AMPH: variants seen among roughly 807,000 people sequenced by gnomAD.
The protein encoded by AMPH is amphiphysin (Stiff-Mann syndrome with breast cancer 128kD autoantigen).
In AMPH, 49 loss-of-function variants were observed where a neutral mutation model predicts 99.1. That is an observed-to-expected ratio of 0.49 (90% CI 0.39 to 0.63). AMPH has a LOEUF of 0.63. Among genes scored for constraint, AMPH ranks in the 20% least tolerant of loss-of-function variants. The pLI, the probability that AMPH is intolerant of heterozygous loss-of-function variation, is 0.00. For missense variants in AMPH, 759 were observed against 863.4 expected (o/e 0.88, Z 1.52); for synonymous variants, 314 against 317.3 (o/e 0.99, Z 0.11).
chr7:38,423,592 T>C (rs930417465), intron 15 of AMPH, among the ~76,000 whole-genome samples: 1 of 152,004 alleles, frequency 6.6e-6, no homozygotes, highest in Non-Finnish European at 1.5e-5. Flanking sequence ...AGAAGAAAGA[T>C]AGAAACAACA....
At chr7:38,490,696 T>C (rs1194008119) in intron 5 of AMPH, among the ~76,000 whole-genome samples, 1 of 152,186 alleles carries the variant, frequency 6.6e-6, no homozygotes, top group African/African-American at 2.4e-5. Context: ...TTGTGACCAC[T>C]GGTTATTCTA....
intron 11 of AMPH, among the ~76,000 whole-genome samples, chr7:38,454,505 TG>T (rs1166744944): frequency 1.3e-5 from 2 of 151,842 alleles, no homozygotes; most frequent in African/African-American, 4.8e-5. Flanking sequence ...GAGGCAGCTC[TG>T]GAAGTCATGA....
At chr7:38,523,054 G>C (rs1790031749) in intron 2 of AMPH, among the ~76,000 whole-genome samples, 1 of 151,442 alleles carries the variant, frequency 6.6e-6, no homozygotes, top group Non-Finnish European at 1.5e-5. Flanking sequence ...GTTGCAGTGA[G>C]TGGCGATCGC....
At chr7:38,539,615 C>T (rs1204767037) in intron 1 of AMPH, among the ~76,000 whole-genome samples, 2 of 152,210 alleles carry the variant, frequency 1.3e-5, no homozygotes, top group Non-Finnish European at 2.9e-5. Context: ...AATGCACACA[C>T]AGCAGATCCA....
chr7:38,630,581 T>C (rs1794418994), intron 1 of AMPH, among the ~76,000 whole-genome samples: 1 of 152,214 alleles, frequency 6.6e-6, no homozygotes, highest in Non-Finnish European at 1.5e-5. Flanking sequence ...ACTATTAGGT[T>C]CAGGTCATAT....
At chr7:38,502,411 C>T (rs1327415741) in intron 3 of AMPH, among the ~76,000 whole-genome samples, 2 of 152,228 alleles carry the variant, frequency 1.3e-5, no homozygotes, top group East Asian at 3.9e-4. Context: ...AATATGTGCT[C>T]AGAGTTCTGA....
chr7:38,585,817 G>C (rs547481334), intron 1 of AMPH, among the ~76,000 whole-genome samples: 10 of 152,320 alleles, frequency 6.6e-5, no homozygotes, highest in African/African-American at 2.4e-4. Context: ...TAATGCTTCA[G>C]CACTGATTAC....
intron 1 of AMPH, among the ~76,000 whole-genome samples, chr7:38,626,135 C>G (rs1417663540): frequency 6.6e-6 from 1 of 152,120 alleles, no homozygotes; most frequent in Non-Finnish European, 1.5e-5. Context: ...GAGAGGGGAA[C>G]AGGGGACTGT....
At chr7:38,611,424 C>T (rs1371265889) in intron 1 of AMPH, among the ~76,000 whole-genome samples, 2 of 152,218 alleles carry the variant, frequency 1.3e-5, no homozygotes, top group East Asian at 3.8e-4. Flanking sequence ...CTGTACTGTA[C>T]ACTTCAGAAT....
intron 2 of AMPH, among the ~76,000 whole-genome samples, chr7:38,510,032 G>T (rs983743281): frequency 3.3e-5 from 5 of 152,198 alleles, no homozygotes; most frequent in Non-Finnish European, 7.3e-5. Flanking sequence ...TCAACAGCCA[G>T]AATGTTTCTG....
chr7:38,450,404 C>T (rs1221618740), intron 11 of AMPH, among the ~76,000 whole-genome samples: 1 of 152,202 alleles, frequency 6.6e-6, no homozygotes, highest in African/African-American at 2.4e-5. Flanking sequence ...GACCGTCATG[C>T]TTTTGAGCAC....
intron 17 of AMPH, among the ~76,000 whole-genome samples, chr7:38,404,103 G>A (rs911168940): frequency 2.0e-5 from 3 of 152,014 alleles, no homozygotes; most frequent in Non-Finnish European, 4.4e-5. Flanking sequence ...CAGTCACACT[G>A]CAGACTGGAG....
intron 7 of AMPH, among the ~76,000 whole-genome samples, chr7:38,473,782 T>C (rs1787982112): frequency 7.6e-6 from 1 of 131,054 alleles, no homozygotes; most frequent in African/African-American, 2.8e-5. Context: ...AAAAGTAATA[T>C]CTGTATTTTT....
chr7:38,391,619 G>T, intron 19 of AMPH, 129 bp downstream of exon 19: 1 of 876,192 alleles, frequency 1.1e-6, no homozygotes, highest in Non-Finnish European at 1.7e-6. Context: ...GTGATGTTGT[G>T]GTGAAGGGAA....
intron 11 of AMPH, among the ~76,000 whole-genome samples, chr7:38,447,518 A>C (rs1342697005): frequency 6.6e-6 from 1 of 152,152 alleles, no homozygotes; most frequent in Admixed American, 6.5e-5. Context: ...ATTTCAATAT[A>C]TAACTATAGC....
rs766563413 is a variant in AMPH at position 38,554,039 on chromosome 7, G to T, written c.70-19028C>A. ...AGTGACCCGCAGCCCCAGCTGCATC[G>T]TTTCTGCCACATCACATTCCATTGT... On this transcript the variant is annotated intron_variant, in intron 1 of 20. Transcript: ENST00000356264. Among the ~76,000 whole-genome samples the T allele has an allele frequency of 3.9e-5, 6 of 152,292 alleles. 1 individual carries two copies. In the Middle Eastern group the frequency reaches 0.01, roughly 259 times the overall value.
intron 1 of AMPH, among the ~76,000 whole-genome samples, chr7:38,580,677 G>A (rs1368663894): frequency 6.6e-6 from 1 of 151,806 alleles, no homozygotes; most frequent in Non-Finnish European, 1.5e-5. Flanking sequence ...TGATGATGAT[G>A]ATGATGATGA....
At chr7:38,542,698 A>C (rs1014086405) in intron 1 of AMPH, among the ~76,000 whole-genome samples, 5 of 152,168 alleles carry the variant, frequency 3.3e-5, no homozygotes, top group Admixed American at 1.3e-4. Flanking sequence ...CTGACCTCCT[A>C]TAATCCCAAC....
intron 7 of AMPH, among the ~76,000 whole-genome samples, chr7:38,469,095 A>G (rs750238396): frequency 0.014 from 1,484 of 106,366 alleles, 264 homozygotes; most frequent in Non-Finnish European, 0.021. Context: ...CGGAGCTTGC[A>G]GTGAGCCGAG....
Sources: gnomAD v4.1 joint callset for allele counts (sites outside exome capture counted in the v4.1 genomes callset) on GRCh38, gnomAD v4.1.1 for gene constraint, MANE v1.5 for transcripts, NCBI Gene and HGNC (gene_info 2026-07-23, HGNC 2026-07-21) for gene names.